The following ZNF618 variants were observed in gnomAD, a reference collection of about 807,000 sequenced individuals.
ZNF618 encodes the protein neural precursor cell expressed, developmentally down-regulated 10.
In ZNF618, 34 loss-of-function variants were observed where a neutral mutation model predicts 103.0. The ratio of observed to expected loss-of-function variants is 0.33; its 90% CI spans 0.25 to 0.44. The LOEUF (loss-of-function observed/expected upper bound fraction) is 0.44, where lower values mean the gene tolerates loss of function less well. Among genes scored for constraint, ZNF618 ranks in the 20% least tolerant of loss-of-function variants. The pLI, the probability that ZNF618 is intolerant of heterozygous loss-of-function variation, is 1.00. For missense variants in ZNF618, 1,059 were observed against 1,295.4 expected, an observed-to-expected ratio of 0.82 and a Z score of 2.80; for synonymous variants, 551 against 542.2, an observed-to-expected ratio of 1.02 and a Z score of -0.23.
At chr9:113,960,699 T>C (rs1439044954) in intron 1 of ZNF618, among the ~76,000 whole-genome samples, 1 of 152,254 alleles carries the variant, frequency 6.6e-6, no homozygotes, top group Non-Finnish European at 1.5e-5. Context: ...TCACAATGTC[T>C]CTGGGGCCTC....
chr9:114,027,564 C>T (rs1226456271), intron 10 of ZNF618, among the ~76,000 whole-genome samples: 1 of 152,250 alleles, frequency 6.6e-6, no homozygotes, highest in African/African-American at 2.4e-5. Flanking sequence ...TGACCTTGGA[C>T]AAGGCCCTGC....
Position 114,052,985 on chromosome 9 carries a change from G to C in ZNF618, c.*2818G>C, listed in dbSNP as rs1846225553. The C allele has an allele frequency of 6.6e-6, 1 of 152,202 alleles. No individual in the cohort carries two copies. Among genetic ancestry groups the C allele is most frequent in the African/African-American group, 2.4e-5 (1 of 41,412 alleles). The allele number at this position is 152,202 out of a possible 1,614,324, so 9.4% of individuals were successfully genotyped here. A position where few individuals can be genotyped will look rare whatever the true frequency, so the allele number is the denominator to read the frequency against. On this transcript the variant is annotated 3_prime_UTR_variant, in exon 15 of 15. Coordinates refer to ENST00000374126, the MANE Select transcript of ZNF618 (RefSeq NM_001318042.2). Reference sequence around the variant, plus strand: ...GCAGGTTTGATGTGAATGCCACTGGGTACTCAGAAAGCTGTCCTCTGGGGC... The same window carrying C: ...GCAGGTTTGATGTGAATGCCACTGGCTACTCAGAAAGCTGTCCTCTGGGGC...
chr9:113,876,926 C>A (rs1376005983), intron 1 of ZNF618, among the ~76,000 whole-genome samples: 2 of 145,342 alleles, frequency 1.4e-5, no homozygotes, highest in Non-Finnish European at 3.0e-5. Context: ...AATTTTTCTT[C>A]AAACGGTAGT....
chr9:114,013,873 A>G (rs1173591805), intron 9 of ZNF618, among the ~76,000 whole-genome samples: 1 of 152,112 alleles, frequency 6.6e-6, no homozygotes, highest in Non-Finnish European at 1.5e-5. Context: ...CTTAGGCCCT[A>G]CTCCAGACCT....
intron 2 of ZNF618, among the ~76,000 whole-genome samples, chr9:113,976,300 G>T (rs1372077128): frequency 6.6e-6 from 1 of 152,180 alleles, no homozygotes; most frequent in Non-Finnish European, 1.5e-5. Context: ...AAGTAAGAAA[G>T]TTCTTCTTGT....
intron 1 of ZNF618, among the ~76,000 whole-genome samples, chr9:113,903,166 T>C (rs1291291570): frequency 6.6e-6 from 1 of 152,228 alleles, no homozygotes; most frequent in Non-Finnish European, 1.5e-5. Flanking sequence ...GGACCTCTTT[T>C]GGTTTTTCAA....
At chr9:113,913,765 T>C (rs1045333069) in intron 1 of ZNF618, among the ~76,000 whole-genome samples, 3 of 152,186 alleles carry the variant, frequency 2.0e-5, no homozygotes, top group African/African-American at 7.2e-5. Context: ...AAGACTGTTG[T>C]CTTGGGTTTG....
At chr9:114,038,514 A>C (rs1283168940) in intron 13 of ZNF618, among the ~76,000 whole-genome samples, 1 of 152,218 alleles carries the variant, frequency 6.6e-6, no homozygotes, top group East Asian at 1.9e-4. Context: ...AAGCATCATG[A>C]GCTGCGCAGT....
At chr9:114,020,619 T>TA (rs147534575) in intron 10 of ZNF618, among the ~76,000 whole-genome samples, 41,743 of 151,912 alleles carry the variant, frequency 0.27, 6,107 homozygotes, top group African/African-American at 0.36. Context: ...CTATTGCCTA[T>TA]AAAAAAATCA....
At position 114,051,745 on chromosome 9, in the gene ZNF618, T is replaced by G. The variant is rs1448691895; in HGVS notation, c.*1578T>G. On this transcript the variant is annotated 3_prime_UTR_variant, in exon 15 of 15. Coordinates refer to ENST00000374126, the MANE Select transcript of ZNF618 (RefSeq NM_001318042.2). ...GTTCGACTCGATGCTGTGAAAGATG[T>G]CTTCAGGCTTTTCTCTCCTGTTCCC... The G allele has an allele frequency of 6.6e-6, 1 of 152,446 alleles. No homozygotes were observed. Among genetic ancestry groups the G allele is most frequent in the East Asian group, 1.9e-4 (1 of 5,194 alleles). The allele number at this position is 152,446 out of a possible 1,614,324, so 9.4% of individuals were successfully genotyped here. A position where few individuals can be genotyped will look rare whatever the true frequency, so the allele number is the denominator to read the frequency against.
intron 13 of ZNF618, among the ~76,000 whole-genome samples, chr9:114,046,962 CATAGCAGAACAGTA>C (rs1170929663): frequency 1.3e-5 from 2 of 152,192 alleles, no homozygotes; most frequent in African/African-American, 4.8e-5. Flanking sequence ...CAGCCAGGTT[CATAGCAGAACAGTA>C]ATATTGAAAA....
At chr9:114,032,844 T>C in intron 12 of ZNF618, 116 bp downstream of exon 12, 1 of 899,464 alleles carries the variant, frequency 1.1e-6, no homozygotes, top group Non-Finnish European at 1.8e-6. Flanking sequence ...TTATGGATCT[T>C]GTTGGGAGGA....
chr9:114,039,183 C>G (rs905799352), intron 13 of ZNF618, among the ~76,000 whole-genome samples: 6 of 152,152 alleles, frequency 3.9e-5, no homozygotes, highest in African/African-American at 1.2e-4. Context: ...GAAGCCCTCT[C>G]AGAGGTCATC....
intron 9 of ZNF618, among the ~76,000 whole-genome samples, chr9:114,014,089 AAAAT>A: frequency 6.6e-6 from 1 of 152,378 alleles, no homozygotes; most frequent in East Asian, 1.9e-4. Flanking sequence ...AGAAAATTGG[AAAAT>A]AATGGAATAT....
chr9:113,950,143 A>G (rs772998194), intron 1 of ZNF618, among the ~76,000 whole-genome samples: 3 of 152,234 alleles, frequency 2.0e-5, no homozygotes, highest in Non-Finnish European at 4.4e-5. Flanking sequence ...AACTAAAAGC[A>G]GCGGTTATGG....
intron 1 of ZNF618, among the ~76,000 whole-genome samples, chr9:113,949,627 C>T (rs1441370588): frequency 1.3e-5 from 2 of 152,150 alleles, no homozygotes; most frequent in Admixed American, 6.5e-5. Flanking sequence ...GTTGTATGCT[C>T]CCCGCTCCTC....
intron 9 of ZNF618, among the ~76,000 whole-genome samples, chr9:114,015,410 A>G (rs1270295682): frequency 6.6e-6 from 1 of 152,224 alleles, no homozygotes; most frequent in Non-Finnish European, 1.5e-5. Context: ...AATCAAAGAA[A>G]TGGAAAGTAA....
At position 114,055,975 on chromosome 9, in the gene ZNF618, TA is replaced by T. The variant is rs200522270; in HGVS notation, c.*5821del. 3.0e-3 allele frequency: 445 copies of T among 146,192 alleles called. 2 individuals carry two copies. Among genetic ancestry groups the T allele is most frequent in the African/African-American group, 4.8e-3 (189 of 39,654 alleles). The allele number at this position is 146,192 out of a possible 1,614,324, so 9.1% of individuals were successfully genotyped here. On this transcript the variant is annotated 3_prime_UTR_variant, in exon 15 of 15. Transcript: ENST00000374126. The stretch of plus-strand genomic sequence containing the variant: ...GACCCTGTGTACCATGTACTGTATT[TA>T]AAAAAAAAAAAAGTTACCTATTGTC...
intron 1 of ZNF618, among the ~76,000 whole-genome samples, chr9:113,899,351 G>A (rs1241945666): frequency 6.6e-6 from 1 of 152,078 alleles, no homozygotes; most frequent in African/African-American, 2.4e-5. Flanking sequence ...CTGTCTGTGT[G>A]ACTTAGATCA....
Sources: gnomAD v4.1 joint callset for allele counts (sites outside exome capture counted in the v4.1 genomes callset) on GRCh38, gnomAD v4.1.1 for gene constraint, MANE v1.5 for transcripts, NCBI Gene and HGNC (gene_info 2026-07-23, HGNC 2026-07-21) for gene names.